The following PCDHA2 variants were observed in gnomAD, a reference collection of about 807,000 sequenced individuals.
PCDHA2 encodes the protein protocadherin alpha 2, also known as protocadherin alpha-2.
A neutral mutation model predicts 66.0 loss-of-function variants in PCDHA2; 58 were observed. The ratio of observed to expected loss-of-function variants is 0.88; its 90% CI spans 0.71 to 1.09. The LOEUF (loss-of-function observed/expected upper bound fraction) is 1.09. Ranked by LOEUF, PCDHA2 falls within the 50% of genes least tolerant of loss-of-function variation. The pLI, the probability that PCDHA2 is intolerant of heterozygous loss-of-function variation, is 0.00. For synonymous variants in PCDHA2, 634 were observed against 554.0 expected, an observed-to-expected ratio of 1.14 and a Z score of -2.03; for missense variants, 1,267 against 1,242.3, an observed-to-expected ratio of 1.02 and a Z score of -0.30.
chr5:141,004,897 G>T (rs1455115465), intron 3 of PCDHA2, among the ~76,000 whole-genome samples: 1 of 152,154 alleles, frequency 6.6e-6, no homozygotes, highest in Non-Finnish European at 1.5e-5. Context: ...TGTCAGCTCT[G>T]CCAGGGTGTA....
In PCDHA2 at chr5:140,875,325, G is replaced by C. The variant is rs1293166061; in HGVS notation, c.2388+77973G>C. 3 of 1,427,764 alleles carry C rather than the reference G, an allele frequency of 2.1e-6. No homozygotes were observed. The African/African-American group carries it at 4.3e-5, about 21-fold the overall frequency. 88.4% of individuals were successfully genotyped at this position (1,427,764 alleles called of 1,614,324 possible). A position where few individuals can be genotyped will look rare whatever the true frequency, so the allele number is the denominator to read the frequency against. On this transcript the variant is annotated intron_variant, in intron 1 of 3. Coordinates refer to ENST00000526136, the MANE Select transcript of PCDHA2 (RefSeq NM_018905.3). ...CCGCACCCACATTCCAATCATTCAC[G>C]GAATAGGATCGACTCCATAATGACT...
At chr5:140,947,655 A>G (rs942849633) in intron 1 of PCDHA2, among the ~76,000 whole-genome samples, 3 of 151,542 alleles carry the variant, frequency 2.0e-5, no homozygotes, top group Non-Finnish European at 4.4e-5. Context: ...ATATACCTCC[A>G]TTTACTTGGG....
At chr5:140,967,189 C>T (rs1554229286) in intron 1 of PCDHA2, 2 of 1,613,522 alleles carry the variant, frequency 1.2e-6, no homozygotes, top group Admixed American at 1.7e-5. Flanking sequence ...TATTGGACAT[C>T]AACGACAACT....
In PCDHA2 at chr5:140,967,952, C is replaced by T. The variant is rs562783714; in HGVS notation, c.2389-10997C>T. ...CAGTGTCAATGACCAAGACTCAGGC[C>T]CCAACCGGAAAGTGAGCCTGGGTCT... is the stretch of plus-strand genomic sequence containing the variant. On this transcript the variant is annotated intron_variant, in intron 1 of 3. Coordinates refer to ENST00000526136, the MANE Select transcript of PCDHA2 (RefSeq NM_018905.3). The T allele has an allele frequency of 3.1e-6, 5 of 1,614,176 alleles. No individual in the cohort carries two copies. In the African/African-American group the frequency reaches 6.7e-5, roughly 22 times the overall value.
chr5:140,805,075 C>T, intron 1 of PCDHA2: 1 of 1,593,602 alleles, frequency 6.3e-7, no homozygotes, highest in South Asian at 1.1e-5. Flanking sequence ...GAACTTCAAT[C>T]TTCAAATCCA....
chr5:140,883,508 G>A (rs939760233), intron 1 of PCDHA2: 1 of 1,614,202 alleles, frequency 6.2e-7, no homozygotes, highest in East Asian at 2.2e-5. Flanking sequence ...CAGCGCCCTG[G>A]ACCGCGAGAG....
Position 140,833,090 on chromosome 5 carries a change from A to G in PCDHA2, c.2388+35738A>G, listed in dbSNP as rs1008615900. 1.8e-4 allele frequency among the ~76,000 whole-genome samples: 27 copies of G among 152,328 alleles called. No homozygotes were observed. In the East Asian group the frequency reaches 5.2e-3, roughly 29 times the overall value. On this transcript the variant is annotated intron_variant, in intron 1 of 3. Coordinates refer to ENST00000526136, the MANE Select transcript of PCDHA2 (RefSeq NM_018905.3). ...CCTTTTGTATAACTTTGAGTACTAG[A>G]CGAGTAATTTTGACACTCTTCAAAG...
intron 1 of PCDHA2, chr5:140,830,622 C>A (rs1390414741): frequency 1.7e-6 from 1 of 582,552 alleles, no homozygotes. Flanking sequence ...TATTGTGTTT[C>A]TTATTTTAAT....
chr5:140,828,700 G>T (rs2150158039), intron 1 of PCDHA2: 3 of 1,614,210 alleles, frequency 1.9e-6, no homozygotes, highest in Non-Finnish European at 2.5e-6. Flanking sequence ...TGGACAGAGA[G>T]GAAGCTCCTG....
At chr5:140,801,518 G>T in intron 1 of PCDHA2, 1 of 1,614,214 alleles carries the variant, frequency 6.2e-7, no homozygotes, top group Non-Finnish European at 8.5e-7. Flanking sequence ...TCCACCTGGA[G>T]GTGATCGTGG....
chr5:140,797,505 C>A, intron 1 of PCDHA2, 153 bp downstream of exon 1: 1 of 888,150 alleles, frequency 1.1e-6, no homozygotes, highest in Non-Finnish European at 1.7e-6. Flanking sequence ...CAATTTATTG[C>A]ATTTACTGAA....
chr5:140,910,257 A>G (rs1428252762), intron 1 of PCDHA2, among the ~76,000 whole-genome samples: 1 of 152,202 alleles, frequency 6.6e-6, no homozygotes, highest in East Asian at 1.9e-4. Flanking sequence ...TAGGCTTCCT[A>G]TCATTTTCAC....
intron 1 of PCDHA2, chr5:140,812,108 T>C (rs1356009801): frequency 6.6e-6 from 1 of 151,988 alleles, no homozygotes; most frequent in African/African-American, 2.4e-5. Context: ...CTTTAAAAGT[T>C]TGGTAGAATT....
chr5:140,841,654 C>A lies in PCDHA2; in HGVS notation c.2388+44302C>A, dbSNP rs1270188852. The A allele has an allele frequency of 6.2e-6, 10 of 1,613,990 alleles. No homozygotes were observed. In the East Asian group the frequency reaches 1.3e-4, roughly 22 times the overall value. On this transcript the variant is annotated intron_variant, in intron 1 of 3. Transcript: ENST00000526136. ...GCATCCACCTGGAGGTGATCGTGGA[C>A]AGGCCGCTGCAGGTTTTCCATGTGG...
intron 1 of PCDHA2, chr5:140,843,512 G>A (rs782010980): frequency 6.3e-7 from 1 of 1,595,964 alleles, no homozygotes; most frequent in Non-Finnish European, 8.6e-7. Flanking sequence ...CACTGAGGGC[G>A]GGTGCCGGGC....
intron 1 of PCDHA2, among the ~76,000 whole-genome samples, chr5:140,976,433 C>T (rs2096716122): frequency 6.6e-6 from 1 of 152,036 alleles, no homozygotes; most frequent in South Asian, 2.1e-4. Context: ...TGCCTGTAAT[C>T]CCAGCTACTA....
At chr5:140,856,942 G>A (rs781940181) in intron 1 of PCDHA2, 5 of 1,593,170 alleles carry the variant, frequency 3.1e-6, no homozygotes, top group Admixed American at 3.4e-5. Context: ...ACGAAAGGAC[G>A]GGAGAAATAA....
chr5:140,857,702 G>A, intron 1 of PCDHA2: 2 of 1,597,414 alleles, frequency 1.3e-6, no homozygotes, highest in East Asian at 2.2e-5. Flanking sequence ...GACGCTGCAG[G>A]TGTTCGTGCT....
intron 1 of PCDHA2, chr5:140,871,274 C>T (rs1554165360): frequency 6.2e-7 from 1 of 1,613,824 alleles, no homozygotes; most frequent in East Asian, 2.2e-5. Flanking sequence ...TGGTGGTCGG[C>T]AACGCCCACT....
Sources: allele counts gnomAD v4.1 joint callset (sites outside exome capture counted in the v4.1 genomes callset), GRCh38; gene constraint gnomAD v4.1.1; transcripts MANE v1.5; gene names NCBI Gene and HGNC (gene_info 2026-07-23, HGNC 2026-07-21).